Variants in FOXN3 observed in about 807,000 individuals in gnomAD.
FOXN3 encodes forkhead box N3, also known as forkhead box protein N3.
FOXN3 carries 7 observed loss-of-function variants against 38.4 expected under a neutral mutation model. The ratio of observed to expected loss-of-function variants is 0.18; its 90% CI spans 0.10 to 0.34. FOXN3 has a LOEUF of 0.34. FOXN3 is among the 10% of genes least tolerant of loss of function. FOXN3 has a pLI of 1.00. For missense variants in FOXN3, 456 were observed against 613.4 expected, an observed-to-expected ratio of 0.74 and a Z score of 2.71; for synonymous variants, 230 against 242.2, an observed-to-expected ratio of 0.95 and a Z score of 0.47.
chr14:89,505,953 G>A (rs1400693167), intron 1 of FOXN3, among the ~76,000 whole-genome samples: 2 of 148,988 alleles, frequency 1.3e-5, no homozygotes, highest in Middle Eastern at 3.5e-3. Context: ...GAGACCCTCT[G>A]CCTGGCAACC....
intron 1 of FOXN3, among the ~76,000 whole-genome samples, chr14:89,495,356 AC>A (rs1893658686): frequency 6.6e-6 from 1 of 152,138 alleles, no homozygotes; most frequent in Admixed American, 6.5e-5. Flanking sequence ...AGATGAGCAA[AC>A]TTTTCCTGTT....
intron 4 of FOXN3, among the ~76,000 whole-genome samples, chr14:89,235,827 GGAAA>G (rs1380768905): frequency 6.6e-6 from 1 of 152,186 alleles, no homozygotes; most frequent in Admixed American, 6.5e-5. Context: ...AGCTGCAATA[GGAAA>G]GAAAGCGGCT....
intron 1 of FOXN3, among the ~76,000 whole-genome samples, chr14:89,452,091 T>C (rs970139148): frequency 1.3e-5 from 2 of 152,126 alleles, no homozygotes; most frequent in African/African-American, 2.4e-5. Flanking sequence ...CTTACGTTCA[T>C]ACTAGTGTGT....
At chr14:89,594,552 A>G (rs1044075349) in intron 1 of FOXN3, among the ~76,000 whole-genome samples, 5 of 152,152 alleles carry the variant, frequency 3.3e-5, no homozygotes, top group African/African-American at 1.2e-4. Context: ...CCATTTTTCT[A>G]CGGGGCTATT....
intron 1 of FOXN3, among the ~76,000 whole-genome samples, chr14:89,495,450 T>C (rs575481264): frequency 1.3e-5 from 2 of 152,204 alleles, no homozygotes; most frequent in Non-Finnish European, 2.9e-5. Flanking sequence ...GAACAGAAAA[T>C]GGATATATAC....
intron 4 of FOXN3, among the ~76,000 whole-genome samples, chr14:89,260,843 A>G (rs1412371152): frequency 6.6e-6 from 1 of 152,242 alleles, no homozygotes; most frequent in Non-Finnish European, 1.5e-5. Flanking sequence ...CAGCTATAAC[A>G]TTTAATTAGT....
At chr14:89,523,739 C>G (rs1199731086) in intron 1 of FOXN3, among the ~76,000 whole-genome samples, 1 of 150,512 alleles carries the variant, frequency 6.6e-6, no homozygotes, top group Non-Finnish European at 1.5e-5. Flanking sequence ...AAAGAAAGGT[C>G]TTAAATAAAT....
chr14:89,468,046 A>T (rs770761474), intron 1 of FOXN3, among the ~76,000 whole-genome samples: 15 of 151,228 alleles, frequency 9.9e-5, no homozygotes, highest in Non-Finnish European at 4.4e-5. Context: ...ATGCATGCAC[A>T]TATATACATG....
chr14:89,444,663 G>T (rs1015303874), intron 1 of FOXN3, among the ~76,000 whole-genome samples: 2 of 152,178 alleles, frequency 1.3e-5, no homozygotes, highest in Non-Finnish European at 2.9e-5. Context: ...TCAGAAATAA[G>T]ATTTTGCCCT....
rs750901107 is a variant in FOXN3, at chr14:89,280,930, G to C, written c.745+20C>G. 18 of 1,606,654 alleles carry C rather than the reference G, an allele frequency of 1.1e-5. No homozygotes were observed. Among genetic ancestry groups the C allele is most frequent in the Non-Finnish European group, 1.4e-5 (16 of 1,173,970 alleles). ...GTGGGTGAGGGGGAGGGAGAGGAAG[G>C]GGTGTTACTAGGGACCTACCTTGGA... On this transcript the variant is annotated intron_variant, in intron 4 of 5. Coordinates refer to ENST00000557258, the MANE Select transcript of FOXN3 (RefSeq NM_005197.4).
intron 4 of FOXN3, among the ~76,000 whole-genome samples, chr14:89,201,662 G>T (rs968709260): frequency 6.6e-6 from 1 of 152,168 alleles, no homozygotes; most frequent in African/African-American, 2.4e-5. Flanking sequence ...GCCTGGGCAC[G>T]GCCAGCCAGG....
At chr14:89,595,087 C>A (rs556624767) in intron 1 of FOXN3, among the ~76,000 whole-genome samples, 5 of 151,032 alleles carry the variant, frequency 3.3e-5, no homozygotes, top group Non-Finnish European at 4.4e-5. Context: ...GAGGCCGAGG[C>A]GGGAGGATCA....
At chr14:89,533,858 G>A (rs1894628403) in intron 1 of FOXN3, among the ~76,000 whole-genome samples, 1 of 151,984 alleles carries the variant, frequency 6.6e-6, no homozygotes, top group African/African-American at 2.4e-5. Context: ...CTGGTGATCT[G>A]ACCTATAACC....
intron 1 of FOXN3, among the ~76,000 whole-genome samples, chr14:89,413,461 C>T (rs1441798618): frequency 2.0e-5 from 3 of 151,798 alleles, no homozygotes; most frequent in Non-Finnish European, 4.4e-5. Context: ...TGGCGAAACC[C>T]CATCTCTATG....
intron 2 of FOXN3, among the ~76,000 whole-genome samples, chr14:89,376,757 T>C (rs953837498): frequency 6.6e-6 from 1 of 152,106 alleles, no homozygotes; most frequent in African/African-American, 2.4e-5. Flanking sequence ...CTCACACCTA[T>C]AATCCTAGCA....
At chr14:89,559,378 A>G (rs1164289493) in intron 1 of FOXN3, among the ~76,000 whole-genome samples, 1 of 152,042 alleles carries the variant, frequency 6.6e-6, no homozygotes, top group African/African-American at 2.4e-5. Flanking sequence ...TTCCATCTCT[A>G]AACAATGTAG....
chr14:89,259,908 A>G (rs1401741764), intron 4 of FOXN3, among the ~76,000 whole-genome samples: 1 of 152,222 alleles, frequency 6.6e-6, no homozygotes, highest in African/African-American at 2.4e-5. Context: ...ACACACATTC[A>G]ACCTCTGGAA....
chr14:89,241,153 G>A (rs1170238001), intron 4 of FOXN3, among the ~76,000 whole-genome samples: 1 of 152,196 alleles, frequency 6.6e-6, no homozygotes, highest in Non-Finnish European at 1.5e-5. Context: ...CCTAACCAAA[G>A]TGACACAACG....
At chr14:89,492,251 C>T (rs957340149) in intron 1 of FOXN3, among the ~76,000 whole-genome samples, 9 of 152,166 alleles carry the variant, frequency 5.9e-5, no homozygotes, top group Middle Eastern at 3.2e-3. Flanking sequence ...GCCAAGCACA[C>T]GTGGGATCAT....
Sources: allele counts gnomAD v4.1 joint callset (sites outside exome capture counted in the v4.1 genomes callset), GRCh38; gene constraint gnomAD v4.1.1; transcripts MANE v1.5; gene names NCBI Gene and HGNC (gene_info 2026-07-23, HGNC 2026-07-21).